Variants in PRPF6 observed in about 807,000 individuals in gnomAD.
The protein encoded by PRPF6 is pre-mRNA-processing factor 6.
PRPF6 carries 42 observed loss-of-function variants against 118.3 expected under a neutral mutation model. That is an observed-to-expected ratio of 0.35 (90% CI 0.28 to 0.46). The LOEUF is 0.46. Among genes scored for constraint, PRPF6 ranks in the 20% least tolerant of loss-of-function variants. PRPF6 has a pLI of 1.00. For missense variants in PRPF6, 662 were observed against 1,255.7 expected (o/e 0.53, Z 7.15); for synonymous variants, 481 against 485.1 (o/e 0.99, Z 0.11).
chr20:63,992,464 A>G (rs974882288), intron 3 of PRPF6, among the ~76,000 whole-genome samples: 1 of 151,614 alleles, frequency 6.6e-6, no homozygotes, highest in Non-Finnish European at 1.5e-5. Context: ...GTTTTACCAC[A>G]TTGGCCAGGC....
At chr20:64,019,492 G>T (rs1353254406) in intron 12 of PRPF6, among the ~76,000 whole-genome samples, 1 of 152,150 alleles carries the variant, frequency 6.6e-6, no homozygotes, top group Non-Finnish European at 1.5e-5. Context: ...TGTTTTCTGT[G>T]CCCAGAAGTG....
rs144977990 is a variant in PRPF6, at chr20:63,999,467, G to C, written c.867-136G>C. 15 of 1,207,388 alleles carry C rather than the reference G, an allele frequency of 1.2e-5. No individual in the cohort carries two copies. The African/African-American group carries it at 1.3e-4, about 11-fold the overall frequency. The allele number at this position is 1,207,388 out of a possible 1,614,324, so 74.8% of individuals were successfully genotyped here. A position where few individuals can be genotyped will look rare whatever the true frequency, so the allele number is the denominator to read the frequency against. On this transcript the variant is annotated intron_variant, in intron 7 of 20. Transcript: ENST00000266079. Reference sequence around the variant, plus strand: ...TTGGAATAGTGCGCACTGAGGTTTTGAGTTGGTTTTTGTAACTCAGGACAT... The same window carrying C: ...TTGGAATAGTGCGCACTGAGGTTTTCAGTTGGTTTTTGTAACTCAGGACAT...
chr20:64,017,028 C>T (rs897358194), intron 12 of PRPF6, among the ~76,000 whole-genome samples, 183 bp downstream of exon 12: 1 of 152,128 alleles, frequency 6.6e-6, no homozygotes, highest in African/African-American at 2.4e-5. Flanking sequence ...CTACAACCTC[C>T]ACCTCCTGGG....
intron 9 of PRPF6, among the ~76,000 whole-genome samples, chr20:64,002,706 C>T (rs1253989602): frequency 3.4e-5 from 5 of 149,008 alleles, no homozygotes; most frequent in African/African-American, 1.2e-4. Context: ...TGCAATGGCA[C>T]CATCTTGGCT....
At position 64,001,152 on chromosome 20, in the gene PRPF6, C is replaced by T. The variant is rs763536750; in HGVS notation, c.1099C>T (p.Arg367Cys). Residue 367 changes from arginine (R) to cysteine (C), a missense_variant, in exon 9 of 21, where the codon CGT becomes TGT. Arg to Cys is a radical substitution (Grantham distance 180). Coordinates refer to ENST00000266079, the MANE Select transcript of PRPF6 (RefSeq NM_012469.4). ...CAAGGCCGTGGTAGCCCAAGCTGTC[C>T]GTCATCTCCCACAGTCTGTCAGGAT... ...TAKAVVAQAV[R>C]HLPQSVRIYI... The T allele has an allele frequency of 2.0e-5, 33 of 1,614,062 alleles. No homozygotes were observed. Among genetic ancestry groups the T allele is most frequent in the Middle Eastern group, 1.6e-4 (1 of 6,084 alleles).
chr20:64,017,502 C>T (rs1164146383), intron 12 of PRPF6, among the ~76,000 whole-genome samples: 4 of 146,598 alleles, frequency 2.7e-5, no homozygotes, highest in African/African-American at 7.6e-5. Context: ...CCGCCGCGCC[C>T]GGCCTCCCAG....
rs2059308940 is a variant in PRPF6 at position 64,030,209 on chromosome 20, G to C, written c.2546+718G>C. ...CAGTCTGGGAAGGAGCTGGGCCTGA[G>C]TGTGGGTCAGGAGGCTGGGAAGTGA... On this transcript the variant is annotated intron_variant, in intron 19 of 20. Transcript: ENST00000266079. Among the ~76,000 whole-genome samples, 3 of 152,240 alleles carry C rather than the reference G, an allele frequency of 2.0e-5. No homozygotes were observed. In the South Asian group the frequency reaches 6.2e-4, roughly 31 times the overall value.
chr20:63,986,489 CTTTTTTTTT>C (rs759745026), intron 3 of PRPF6, among the ~76,000 whole-genome samples: 2 of 138,652 alleles, frequency 1.4e-5, no homozygotes, highest in Non-Finnish European at 3.1e-5. Context: ...ACCATATGAT[CTTTTTTTTT>C]TTTTTTTTGA....
At chr20:64,018,057 A>G (rs770453623) in intron 12 of PRPF6, among the ~76,000 whole-genome samples, 3 of 152,162 alleles carry the variant, frequency 2.0e-5, no homozygotes, top group Non-Finnish European at 2.9e-5. Context: ...AAAGCCAGGC[A>G]TGGTGGTGCA....
intron 12 of PRPF6, among the ~76,000 whole-genome samples, chr20:64,017,238 C>T (rs994345138): frequency 1.2e-4 from 18 of 151,098 alleles, no homozygotes; most frequent in African/African-American, 3.2e-4. Flanking sequence ...CCACCGCGCC[C>T]GGCCTCCCAG....
At chr20:64,014,884 C>T (rs1001746952) in intron 11 of PRPF6, among the ~76,000 whole-genome samples, 2 of 152,176 alleles carry the variant, frequency 1.3e-5, no homozygotes, top group Non-Finnish European at 1.5e-5. Context: ...AGTATTGCTT[C>T]TACTGAGCGT....
rs190680194 is a variant in PRPF6 at position 64,013,211 on chromosome 20, C to T, written c.1524+1708C>T. ...AACTCCTGACCTCAAGCAACCTGCC[C>T]GCCTTGGTCTTCCCTGTCTTTTATC... On this transcript the variant is annotated intron_variant, in intron 11 of 20. Transcript: ENST00000266079. 1.5e-4 allele frequency among the ~76,000 whole-genome samples: 23 copies of T among 152,174 alleles called. 1 individual carries two copies. The highest frequency in any genetic ancestry group is 7.2e-4 in the Admixed American group (11 of 15,284).
At chr20:64,015,916 C>G (rs958472807) in intron 11 of PRPF6, among the ~76,000 whole-genome samples, 17 of 152,076 alleles carry the variant, frequency 1.1e-4, no homozygotes, top group African/African-American at 4.1e-4. Flanking sequence ...TACTTGAGAC[C>G]AGGAGTTTAA....
rs1330717775 is a variant in PRPF6, at chr20:64,027,581, C to T, written c.2206-22C>T. 3 of 1,614,098 alleles carry T rather than the reference C, an allele frequency of 1.9e-6. No individual in the cohort carries two copies. The highest frequency in any genetic ancestry group is 2.5e-6 in the Non-Finnish European group (3 of 1,180,022). On this transcript the variant is annotated intron_variant, in intron 16 of 20. Coordinates refer to ENST00000266079, the MANE Select transcript of PRPF6 (RefSeq NM_012469.4). This position sits in a 1 kb window ranked among gnomAD's most constrained non-coding sequence, Gnocchi z 6.5. ...TTCTTCATAGACACCACCTGAGCTG[C>T]TCTCTTACTTGTTGGTTGCAGTTGA...
chr20:64,016,360 C>A (rs2059238338), intron 11 of PRPF6, among the ~76,000 whole-genome samples: 1 of 151,974 alleles, frequency 6.6e-6, no homozygotes, highest in African/African-American at 2.4e-5. Flanking sequence ...AACTCCTGAC[C>A]ACGTGATCCA....
chr20:64,016,645 A>G (rs915812035), intron 11 of PRPF6, 78 bp from the exon 12 acceptor site: 4 of 1,577,772 alleles, frequency 2.5e-6, no homozygotes, highest in Admixed American at 1.8e-5. Context: ...TTAACCGTTC[A>G]GGAACTCCGT....
intron 12 of PRPF6, among the ~76,000 whole-genome samples, chr20:64,021,664 A>C (rs2059265445): frequency 7.1e-6 from 1 of 140,166 alleles, no homozygotes; most frequent in African/African-American, 2.8e-5. Context: ...TGCCTCAGCC[A>C]CAGCCCCGTG....
intron 12 of PRPF6, 121 bp downstream of exon 12, chr20:64,016,966 G>A (rs1344870769): frequency 5.1e-6 from 7 of 1,367,706 alleles, no homozygotes; most frequent in South Asian, 3.7e-5. Flanking sequence ...AATCTGAGAC[G>A]GGGTCTTGCT....
rs368633846 is a variant in PRPF6 at position 63,984,346 on chromosome 20, G to A, written c.241-561G>A. On this transcript the variant is annotated intron_variant, in intron 2 of 20. Transcript: ENST00000266079. ...TGAGGCAGAAGAATGCTGTGAACCC[G>A]GGAGGCGGAGGTTGCGGTGAGCCAA... 2.6e-4 allele frequency among the ~76,000 whole-genome samples: 39 copies of A among 152,142 alleles called. No individual in the cohort carries two copies. In the East Asian group the frequency reaches 6.6e-3, roughly 26 times the overall value.
Sources: allele counts gnomAD v4.1 joint callset (sites outside exome capture counted in the v4.1 genomes callset), GRCh38; gene constraint gnomAD v4.1.1; non-coding constraint Gnocchi (gnomAD v3.1); transcripts MANE v1.5; gene names NCBI Gene and HGNC (gene_info 2026-07-23, HGNC 2026-07-21).